SCIN: variants seen among roughly 807,000 people sequenced by gnomAD.
The protein encoded by SCIN is scinderin.
A neutral mutation model predicts 91.8 loss-of-function variants in SCIN; 91 were observed. The ratio of observed to expected loss-of-function variants is 0.99; its 90% confidence interval spans 0.84 to 1.18. SCIN has a LOEUF of 1.18. Among genes scored for constraint, SCIN ranks in the 50% most tolerant of loss-of-function variants. The probability of loss-of-function intolerance (pLI) is 0.00; values close to 1 mark genes in which losing one functional copy is unlikely to be tolerated. For synonymous variants in SCIN, 367 were observed against 312.6 expected, an observed-to-expected ratio of 1.17 and a Z score of -1.84; for missense variants, 1,087 against 863.9, an observed-to-expected ratio of 1.26 and a Z score of -3.24.
chr7:12,617,769 A>G (rs540063495), intron 4 of SCIN, among the ~76,000 whole-genome samples: 66 of 152,140 alleles, frequency 4.3e-4, no homozygotes, highest in Non-Finnish European at 8.7e-4. Flanking sequence ...CAAATATACA[A>G]TGCATGGGCT....
At chr7:12,648,411 A>G (rs1360225937) in intron 13 of SCIN, among the ~76,000 whole-genome samples, 1 of 150,460 alleles carries the variant, frequency 6.6e-6, no homozygotes, top group Admixed American at 6.7e-5. Flanking sequence ...ATTCTCCTAC[A>G]TCAGCCTCCC....
intron 4 of SCIN, among the ~76,000 whole-genome samples, chr7:12,606,419 A>G (rs1384288090): frequency 6.6e-6 from 1 of 152,202 alleles, no homozygotes; most frequent in African/African-American, 2.4e-5. Context: ...TACATGGTCC[A>G]GTGATAGCCT....
chr7:12,603,771 T>C (rs849776), intron 3 of SCIN, among the ~76,000 whole-genome samples: 122,408 of 152,028 alleles, frequency 0.81, 50,097 homozygotes, highest in East Asian at 1. Context: ...GATGTTAAAG[T>C]TTAATTTTAA....
intron 3 of SCIN, among the ~76,000 whole-genome samples, chr7:12,587,517 T>A (rs1782613917): frequency 6.6e-6 from 1 of 152,238 alleles, no homozygotes; most frequent in Non-Finnish European, 1.5e-5. Context: ...CATTTTAGTC[T>A]TCTGATGTCA....
intron 3 of SCIN, among the ~76,000 whole-genome samples, chr7:12,591,103 G>A (rs369380840): frequency 3.9e-5 from 6 of 152,124 alleles, no homozygotes; most frequent in East Asian, 1.9e-4. Context: ...TGAGAGGCTC[G>A]GAGGAAATGT....
rs1223683790 is a variant in SCIN at position 12,652,723 on chromosome 7, T to C, written c.*8T>C. On this transcript the variant is annotated 3_prime_UTR_variant, in exon 16 of 16. Transcript: ENST00000297029. The stretch of plus-strand genomic sequence containing the variant: ...GATTCCAGCAAGTGGTAAATTGGTA[T>C]TTGTAAAAAGCAAACAAACATTACA... 1.2e-6 allele frequency: 2 copies of C among 1,600,428 alleles called. No homozygotes were observed. Among genetic ancestry groups the C allele is most frequent in the Non-Finnish European group, 1.7e-6 (2 of 1,176,032 alleles).
rs943575902 is a variant in SCIN, at chr7:12,570,896, A to T, written c.110A>T (p.His37Leu). 36 of 1,551,442 alleles carry T rather than the reference A, an allele frequency of 2.3e-5. No individual in the cohort carries two copies. Among genetic ancestry groups the T allele is most frequent in the Non-Finnish European group, 3.1e-5 (35 of 1,146,946 alleles). The stretch of plus-strand genomic sequence containing the variant: ...CTGGTGCCCGTGCCCCAGAGCGCTC[A>T]CGGCGACTTCTACGTCGGGGATGCC... ...LELVPVPQSA[H>L]GDFYVGDAYL... Residue 37 changes from histidine (H) to leucine (L), a missense_variant, in exon 1 of 16, where the codon CAC (histidine) becomes CTC (leucine). His to Leu is a moderately conservative substitution (Grantham distance 99). Transcript: ENST00000297029.
intron 3 of SCIN, among the ~76,000 whole-genome samples, chr7:12,601,957 G>C (rs1782967003): frequency 1.3e-5 from 2 of 152,136 alleles, no homozygotes; most frequent in African/African-American, 4.8e-5. Context: ...CTTATTGATG[G>C]GCATTTGTTT....
chr7:12,608,412 G>C (rs1411324157), intron 4 of SCIN, among the ~76,000 whole-genome samples: 2 of 151,672 alleles, frequency 1.3e-5, no homozygotes, highest in African/African-American at 4.9e-5. Flanking sequence ...TGCAACAGTT[G>C]ATTTTACTAG....
Position 12,654,554 on chromosome 7 carries a change from T to C in SCIN, c.*1839T>C, listed in dbSNP as rs1054606535. On this transcript the variant is annotated 3_prime_UTR_variant, in exon 16 of 16. Coordinates refer to ENST00000297029, the MANE Select transcript of SCIN (RefSeq NM_001112706.3). ...AATAATTTTTAAAAATATTTATAAA[T>C]ATCTTCTGGGTCAAGCTGAATATTT... 2 of 152,162 alleles carry C rather than the reference T, an allele frequency of 1.3e-5. No homozygotes were observed. The highest frequency in any genetic ancestry group is 2.9e-5 in the Non-Finnish European group (2 of 68,008). 9.4% of individuals were successfully genotyped at this position (152,162 alleles called of 1,614,324 possible).
chr7:12,596,905 T>G (rs1327428096), intron 3 of SCIN, among the ~76,000 whole-genome samples: 1 of 152,200 alleles, frequency 6.6e-6, no homozygotes, highest in Non-Finnish European at 1.5e-5. Flanking sequence ...CCTATAGGCT[T>G]AGACCTTCTA....
chr7:12,579,089 C>T (rs903588591), intron 2 of SCIN, among the ~76,000 whole-genome samples: 1 of 151,746 alleles, frequency 6.6e-6, no homozygotes, highest in Non-Finnish European at 1.5e-5. Flanking sequence ...CACCCCACTG[C>T]CCTGCCCTGT....
intron 3 of SCIN, among the ~76,000 whole-genome samples, chr7:12,598,708 C>T (rs1782892725): frequency 6.6e-6 from 1 of 152,028 alleles, no homozygotes; most frequent in Non-Finnish European, 1.5e-5. Context: ...GCTTGGGCAA[C>T]ATGGTAAAAC....
intron 3 of SCIN, among the ~76,000 whole-genome samples, chr7:12,586,476 C>G (rs1350532477): frequency 6.6e-6 from 1 of 152,036 alleles, no homozygotes; most frequent in African/African-American, 2.4e-5. Context: ...CTCTTATACG[C>G]TGTGGTAATG....
At chr7:12,595,291 G>A (rs541015926) in intron 3 of SCIN, among the ~76,000 whole-genome samples, 4 of 152,282 alleles carry the variant, frequency 2.6e-5, no homozygotes, top group African/African-American at 4.8e-5. Flanking sequence ...ATATCATCTT[G>A]TGACCAGGTT....
At chr7:12,640,583 C>CA in intron 11 of SCIN, 66 bp downstream of exon 11, 1 of 1,363,280 alleles carries the variant, frequency 7.3e-7, no homozygotes, top group South Asian at 1.8e-5. Flanking sequence ...GAGCCATCAG[C>CA]AAATATTAGA....
chr7:12,580,971 G>A lies in SCIN; in HGVS notation c.355-89G>A, dbSNP rs914468613. 1.8e-5 allele frequency: 24 copies of A among 1,322,966 alleles called. No homozygotes were observed. In the African/African-American group the frequency reaches 3.1e-4, roughly 17 times the overall value. The allele number at this position is 1,322,966 out of a possible 1,614,324, so 82.0% of individuals were successfully genotyped here. On this transcript the variant is annotated intron_variant, in intron 2 of 15. Transcript: ENST00000297029. ...AGGTACAGTTTTGGCACAAACACCA[G>A]CAGTATTATTGTGCTTTGCTTTGTC...
chr7:12,647,387 T>C (rs1783987877), intron 13 of SCIN, among the ~76,000 whole-genome samples: 2 of 152,052 alleles, frequency 1.3e-5, no homozygotes, highest in Non-Finnish European at 2.9e-5. Flanking sequence ...TGTAGATTCC[T>C]ACAAGGCAGC....
At chr7:12,579,188 G>A (rs972528865) in intron 2 of SCIN, among the ~76,000 whole-genome samples, 1 of 152,014 alleles carries the variant, frequency 6.6e-6, no homozygotes, top group Non-Finnish European at 1.5e-5. Flanking sequence ...AGATGGCGAG[G>A]TTTATTTATA....
Sources: gnomAD v4.1 joint callset for allele counts (sites outside exome capture counted in the v4.1 genomes callset) on GRCh38, gnomAD v4.1.1 for gene constraint, MANE v1.5 for transcripts, NCBI Gene and HGNC (gene_info 2026-07-23, HGNC 2026-07-21) for gene names.